Variants in PEX14 observed in about 807,000 individuals in gnomAD.
PEX14 encodes peroxisomal biogenesis factor 14, also known as peroxisomal membrane protein PEX14.
Under a neutral mutation model 49.5 loss-of-function variants are expected in PEX14, and 15 were observed. The ratio of observed to expected loss-of-function variants is 0.30; its 90% confidence interval spans 0.20 to 0.47. The LOEUF is 0.47. Among genes scored for constraint, PEX14 ranks in the 20% least tolerant of loss-of-function variants. The probability of loss-of-function intolerance (pLI) is 1.00; values close to 1 mark genes in which losing one functional copy is unlikely to be tolerated. For missense variants in PEX14, 398 were observed against 494.8 expected, an observed-to-expected ratio of 0.80 and a Z score of 1.86; for synonymous variants, 210 against 212.7, an observed-to-expected ratio of 0.99 and a Z score of 0.11.
chr1:10,587,391 G>T (rs1011617017), intron 3 of PEX14, among the ~76,000 whole-genome samples: 1 of 152,126 alleles, frequency 6.6e-6, no homozygotes, highest in Non-Finnish European at 1.5e-5. Flanking sequence ...GGAGGCGGAG[G>T]TTACAGTGAG....
At chr1:10,614,353 CA>C (rs1204214623) in intron 4 of PEX14, among the ~76,000 whole-genome samples, 1 of 152,032 alleles carries the variant, frequency 6.6e-6, no homozygotes, top group Non-Finnish European at 1.5e-5. Flanking sequence ...TAATGAAAAC[CA>C]GGGGGCAATA....
intron 3 of PEX14, among the ~76,000 whole-genome samples, chr1:10,588,838 C>T (rs1219948487): frequency 6.6e-6 from 1 of 152,038 alleles, no homozygotes; most frequent in Non-Finnish European, 1.5e-5. Context: ...ACAGAGAATG[C>T]TCTTGACTTA....
At chr1:10,615,022 C>T (rs147463630) in intron 4 of PEX14, among the ~76,000 whole-genome samples, 71 of 152,246 alleles carry the variant, frequency 4.7e-4, no homozygotes, top group South Asian at 1.2e-3. Context: ...CCCTGTATAA[C>T]GAGAGGTGAT....
intron 3 of PEX14, among the ~76,000 whole-genome samples, chr1:10,537,289 CAG>C (rs1638836041): frequency 7.9e-6 from 1 of 127,012 alleles, no homozygotes; most frequent in Non-Finnish European, 1.5e-5. Flanking sequence ...GTCCCTGCGA[CAG>C]AGTTGGTAAG....
Position 10,494,999 on chromosome 1 carries a change from G to T in PEX14, c.37-275G>T. On this transcript the variant is annotated intron_variant, in intron 1 of 8. Coordinates refer to ENST00000356607, the MANE Select transcript of PEX14 (RefSeq NM_004565.3). This position sits in a 1 kb window ranked among gnomAD's most constrained non-coding sequence, Gnocchi z 4.3. The stretch of plus-strand genomic sequence containing the variant: ...CCCCAGCCCTTGCTGCTCAGTAGGT[G>T]ATCGTGGGCCTTCCTGAGCAGAACC... The T allele has an allele frequency of 1.9e-6, 1 of 516,910 alleles. No homozygotes were observed. Among genetic ancestry groups the T allele is most frequent in the East Asian group, 1.5e-4 (1 of 6,724 alleles). 32.0% of individuals were successfully genotyped at this position (516,910 alleles called of 1,614,324 possible).
chr1:10,589,051 A>G (rs1640583301), intron 3 of PEX14, among the ~76,000 whole-genome samples: 1 of 152,222 alleles, frequency 6.6e-6, no homozygotes, highest in Non-Finnish European at 1.5e-5. Flanking sequence ...ACCCTTTTAT[A>G]TCTTTAGAAT....
intron 2 of PEX14, among the ~76,000 whole-genome samples, chr1:10,518,138 C>G (rs1414289926): frequency 6.6e-6 from 1 of 151,952 alleles, no homozygotes; most frequent in Non-Finnish European, 1.5e-5. Flanking sequence ...CTTTTTCGCT[C>G]TCCTCTCCTT....
At chr1:10,555,885 G>T (rs1241430679) in intron 3 of PEX14, among the ~76,000 whole-genome samples, 5 of 152,166 alleles carry the variant, frequency 3.3e-5, no homozygotes, top group Non-Finnish European at 7.3e-5. Context: ...CACAGGAATA[G>T]ATTTGAGAGA....
intron 2 of PEX14, among the ~76,000 whole-genome samples, chr1:10,513,332 C>G (rs1489668743): frequency 2.0e-5 from 3 of 152,178 alleles, no homozygotes; most frequent in Non-Finnish European, 4.4e-5. Flanking sequence ...ACATAATACT[C>G]TACCCTTCTG....
At chr1:10,499,679 C>G (rs1641635564) in intron 2 of PEX14, among the ~76,000 whole-genome samples, 1 of 152,074 alleles carries the variant, frequency 6.6e-6, no homozygotes, top group Admixed American at 6.6e-5. Flanking sequence ...GATCTCCTGA[C>G]CTTGTGATCT....
Position 10,557,753 on chromosome 1 carries a change from T to C in PEX14, c.169+21456T>C, listed in dbSNP as rs192686708. On this transcript the variant is annotated intron_variant, in intron 3 of 8. Coordinates refer to ENST00000356607, the MANE Select transcript of PEX14 (RefSeq NM_004565.3). ...CGAGCACAAGTCTCAAACTTCCACA[T>C]TGTCAAGTTCACAGTTTCTTCCTTT... is the stretch of plus-strand genomic sequence containing the variant. Among the ~76,000 whole-genome samples, 432 of 152,228 alleles carry C rather than the reference T, an allele frequency of 2.8e-3. 2 individuals carry two copies. Among genetic ancestry groups the C allele is most frequent in the African/African-American group, 9.8e-3 (407 of 41,540 alleles).
In PEX14 at chr1:10,601,510, C is replaced by T. The variant is rs79932998; in HGVS notation, c.298+2144C>T. Among the ~76,000 whole-genome samples, 352 of 152,232 alleles carry T rather than the reference C, an allele frequency of 2.3e-3. 3 individuals carry two copies. Among genetic ancestry groups the T allele is most frequent in the African/African-American group, 8.1e-3 (337 of 41,544 alleles). The stretch of plus-strand genomic sequence containing the variant: ...GGGTTGGAATCTGCTGTCTGTGTTA[C>T]GGATCTTATTTAGAGATCTCCTCCT... On this transcript the variant is annotated intron_variant, in intron 4 of 8. Transcript: ENST00000356607.
intron 2 of PEX14, among the ~76,000 whole-genome samples, chr1:10,499,029 T>C (rs1471190262): frequency 6.6e-6 from 1 of 152,218 alleles, no homozygotes; most frequent in Non-Finnish European, 1.5e-5. Flanking sequence ...CCCTGCCTGG[T>C]CTATAAGTAT....
At chr1:10,546,676 C>T (rs1282902184) in intron 3 of PEX14, among the ~76,000 whole-genome samples, 2 of 150,292 alleles carry the variant, frequency 1.3e-5, no homozygotes, top group African/African-American at 2.5e-5. Context: ...ACCATCCTGG[C>T]CAACACCGTG....
intron 3 of PEX14, among the ~76,000 whole-genome samples, chr1:10,575,066 C>G (rs1640082294): frequency 7.1e-6 from 1 of 140,264 alleles, no homozygotes; most frequent in Non-Finnish European, 1.6e-5. Flanking sequence ...AAGAACCCGT[C>G]TCTTAAATAA....
At chr1:10,486,778 C>A (rs1427492613) in intron 1 of PEX14, among the ~76,000 whole-genome samples, 1 of 151,112 alleles carries the variant, frequency 6.6e-6, no homozygotes, top group Non-Finnish European at 1.5e-5. Flanking sequence ...ACCTCCGCCT[C>A]CTGGGTTCAA....
chr1:10,554,999 T>G (rs1025646257), intron 3 of PEX14, among the ~76,000 whole-genome samples: 4 of 152,180 alleles, frequency 2.6e-5, no homozygotes, highest in African/African-American at 9.6e-5. Flanking sequence ...TCTTCCTCAG[T>G]CTGCTTTTGT....
In PEX14 at chr1:10,597,314, T is replaced by C. The variant is rs747138380; in HGVS notation, c.170-1924T>C. Among the ~76,000 whole-genome samples the C allele has an allele frequency of 1.3e-5, 2 of 152,272 alleles. No individual in the cohort carries two copies. The highest frequency in any genetic ancestry group is 2.9e-5 in the Non-Finnish European group (2 of 68,048). On this transcript the variant is annotated intron_variant, in intron 3 of 8. Transcript: ENST00000356607. This position sits in a 1 kb window ranked among gnomAD's most constrained non-coding sequence, Gnocchi z 5.7. ...TCGCAGATGCTGCTTTCTTCTCTAATGGCTGATTATGAACTGGTTAAAACA... is the reference window on the plus strand; with the variant it reads ...TCGCAGATGCTGCTTTCTTCTCTAACGGCTGATTATGAACTGGTTAAAACA...
chr1:10,530,253 GA>G (rs1403755961), intron 2 of PEX14, among the ~76,000 whole-genome samples: 10 of 152,186 alleles, frequency 6.6e-5, no homozygotes, highest in Non-Finnish European at 1.5e-4. Flanking sequence ...TTTAAAAATT[GA>G]AAATAAAAGA....
Sources: allele counts gnomAD v4.1 joint callset (sites outside exome capture counted in the v4.1 genomes callset), GRCh38; gene constraint gnomAD v4.1.1; non-coding constraint Gnocchi (gnomAD v3.1); transcripts MANE v1.5; gene names NCBI Gene and HGNC (gene_info 2026-07-23, HGNC 2026-07-21).